Variants in VAC14 observed in about 807,000 individuals in gnomAD.
VAC14 encodes the protein VAC14 component of PIKFYVE complex.
A neutral mutation model predicts 85.3 loss-of-function variants in VAC14; 47 were observed. The ratio of observed to expected loss-of-function variants is 0.55; its 90% CI spans 0.44 to 0.70. VAC14 has a LOEUF of 0.70. Ranked by LOEUF, VAC14 falls within the 30% of genes least tolerant of loss-of-function variation. The probability of loss-of-function intolerance (pLI) is 0.00; values close to 1 mark genes in which losing one functional copy is unlikely to be tolerated. For synonymous variants in VAC14, 447 were observed against 430.5 expected (o/e 1.04, Z -0.47); for missense variants, 861 against 1,004.3 (o/e 0.86, Z 1.93).
At chr16:70,731,419 T>C (rs1024572261) in intron 14 of VAC14, 76 bp downstream of exon 14, 1 of 1,555,708 alleles carries the variant, frequency 6.4e-7, no homozygotes, top group Non-Finnish European at 8.7e-7. Flanking sequence ...GGTGGCTGCT[T>C]TGACACTTGA....
At chr16:70,703,648 C>T (rs560292435) in intron 14 of VAC14, among the ~76,000 whole-genome samples, 2 of 152,202 alleles carry the variant, frequency 1.3e-5, no homozygotes, top group African/African-American at 4.8e-5. Context: ...CCGTCTTGGG[C>T]TGCTGGCTGC....
chr16:70,763,983 C>T (rs903645439), intron 10 of VAC14, among the ~76,000 whole-genome samples: 29 of 152,278 alleles, frequency 1.9e-4, no homozygotes, highest in Admixed American at 1.7e-3. Context: ...CAAATGGTGC[C>T]GACAGGTGCA....
chr16:70,775,708 A>G (rs1302605826), intron 9 of VAC14, among the ~76,000 whole-genome samples: 1 of 152,238 alleles, frequency 6.6e-6, no homozygotes, highest in Non-Finnish European at 1.5e-5. Context: ...GCTGGGCAGG[A>G]TAGACTGGAA....
intron 18 of VAC14, chr16:70,690,979 G>A (rs2053585300): frequency 1.0e-6 from 1 of 984,998 alleles, no homozygotes; most frequent in Admixed American, 6.1e-5. Context: ...TGGGCTTGCT[G>A]GAGGTCACAC....
chr16:70,727,717 C>T (rs1205238221), intron 14 of VAC14, among the ~76,000 whole-genome samples: 1 of 152,252 alleles, frequency 6.6e-6, no homozygotes, highest in East Asian at 1.9e-4. Flanking sequence ...ATACCCCCCT[C>T]CACCTCAACA....
At chr16:70,733,371 TTG>T (rs2054651642) in intron 13 of VAC14, among the ~76,000 whole-genome samples, 1 of 152,196 alleles carries the variant, frequency 6.6e-6, no homozygotes, top group Non-Finnish European at 1.5e-5. Flanking sequence ...ATTCTATATT[TTG>T]TTTGTCCATT....
intron 14 of VAC14, among the ~76,000 whole-genome samples, chr16:70,703,612 G>A (rs550851195): frequency 6.6e-6 from 1 of 152,160 alleles, no homozygotes; most frequent in Admixed American, 6.5e-5. Flanking sequence ...ACAGCCCAGA[G>A]GCCCTGTGGA....
intron 14 of VAC14, among the ~76,000 whole-genome samples, chr16:70,704,215 C>T (rs537791472): frequency 6.6e-5 from 10 of 152,336 alleles, no homozygotes; most frequent in South Asian, 2.1e-4. Context: ...TTGTAGGTGC[C>T]GCAGTGTCTG....
At chr16:70,761,115 C>T (rs1197972650) in intron 12 of VAC14, 1 of 449,850 alleles carries the variant, frequency 2.2e-6, no homozygotes, top group Admixed American at 2.4e-5. Context: ...CTCAGAGGAC[C>T]TAGAGGTTGA....
intron 12 of VAC14, among the ~76,000 whole-genome samples, chr16:70,751,366 C>A (rs2031373704): frequency 6.6e-6 from 1 of 152,236 alleles, no homozygotes; most frequent in Admixed American, 6.5e-5. Flanking sequence ...AAGCTGAGGT[C>A]TGGCCAGTGC....
intron 10 of VAC14, among the ~76,000 whole-genome samples, chr16:70,765,215 G>A (rs1192731458): frequency 6.6e-6 from 1 of 152,192 alleles, no homozygotes; most frequent in Non-Finnish European, 1.5e-5. Flanking sequence ...CCCCGTGCCT[G>A]GCAAATCACT....
intron 14 of VAC14, among the ~76,000 whole-genome samples, chr16:70,726,465 C>T (rs75928645): frequency 0.052 from 7,989 of 152,316 alleles, 211 homozygotes; most frequent in Middle Eastern, 0.14. Flanking sequence ...ACAACAGCCC[C>T]GCTTTATCAG....
chr16:70,745,893 C>T (rs1029719316), intron 12 of VAC14, among the ~76,000 whole-genome samples: 4 of 152,304 alleles, frequency 2.6e-5, no homozygotes, highest in South Asian at 4.1e-4. Flanking sequence ...GGGCCAGGAC[C>T]GGCCAGGTGG....
At chr16:70,728,430 G>A (rs767763060) in intron 14 of VAC14, among the ~76,000 whole-genome samples, 2 of 152,180 alleles carry the variant, frequency 1.3e-5, no homozygotes, top group African/African-American at 2.4e-5. Flanking sequence ...CAGTGGGCAC[G>A]TTACTTCCTC....
intron 14 of VAC14, among the ~76,000 whole-genome samples, chr16:70,707,547 A>C (rs2053944416): frequency 1.3e-5 from 2 of 152,144 alleles, no homozygotes; most frequent in East Asian, 1.9e-4. Context: ...CCTCCATAGA[A>C]GGTCTCATCT....
chr16:70,782,052 G>A, intron 7 of VAC14, 49 bp from the exon 8 acceptor site: 1 of 1,598,926 alleles, frequency 6.3e-7, no homozygotes, highest in Middle Eastern at 1.9e-4. Context: ...CGCAGCCCGA[G>A]TGCTCCCTCC....
rs1269715881 is a variant in VAC14 at position 70,690,431 on chromosome 16, C to G, written c.2187-2341G>C. 3.0e-6 allele frequency: 3 copies of G among 985,626 alleles called. 1 individual carries two copies. The highest frequency in any genetic ancestry group is 9.4e-5 in the South Asian group (2 of 21,288). 61.1% of individuals were successfully genotyped at this position (985,626 alleles called of 1,614,324 possible). A position where few individuals can be genotyped will look rare whatever the true frequency, so the allele number is the denominator to read the frequency against. ...AGCCCACAGCACAGTGTGGCAAGTC[C>G]AGGACTCAGGGCCGGCTCTCACTCT... On this transcript the variant is annotated intron_variant, in intron 18 of 18. Transcript: ENST00000261776.
intron 8 of VAC14, among the ~76,000 whole-genome samples, 192 bp downstream of exon 8, chr16:70,781,677 G>A (rs2033817243): frequency 6.6e-6 from 1 of 152,148 alleles, no homozygotes; most frequent in Non-Finnish European, 1.5e-5. Flanking sequence ...AAGGTGTGGG[G>A]ACAGCCAGCA....
Position 70,784,253 on chromosome 16 carries a change from C to T in VAC14, c.487-33G>A, listed in dbSNP as rs778652356. 94 of 1,591,846 alleles carry T rather than the reference C, an allele frequency of 5.9e-5. 1 individual carries two copies. The highest frequency in any genetic ancestry group is 2.8e-5 in the Non-Finnish European group (33 of 1,160,914). On this transcript the variant is annotated intron_variant, in intron 4 of 18. Transcript: ENST00000261776. The stretch of plus-strand genomic sequence containing the variant: ...TCAGAGGAAAGTGAGCTGCCGAGAG[C>T]CCGAGACCAGGGCTGCCTGACCTCG...
Sources: gnomAD v4.1 joint callset for allele counts (sites outside exome capture counted in the v4.1 genomes callset) on GRCh38, gnomAD v4.1.1 for gene constraint, MANE v1.5 for transcripts, NCBI Gene and HGNC (gene_info 2026-07-23, HGNC 2026-07-21) for gene names.